The following PCDH15 variants were observed in gnomAD, a reference collection of about 807,000 sequenced individuals.
PCDH15 encodes the protein protocadherin related 15, also known as protocadherin-15.
A neutral mutation model predicts 178.5 loss-of-function variants in PCDH15; 129 were observed. The ratio of observed to expected loss-of-function variants is 0.72; its 90% CI spans 0.63 to 0.84. The LOEUF (loss-of-function observed/expected upper bound fraction) is 0.84, where lower values mean the gene tolerates loss of function less well. Ranked by LOEUF, PCDH15 falls within the 40% of genes least tolerant of loss-of-function variation. PCDH15 has a pLI of 0.00. For synonymous variants in PCDH15, 800 were observed against 732.0 expected (o/e 1.09, Z -1.50); for missense variants, 2,230 against 2,099.9 (o/e 1.06, Z -1.21).
intron 2 of PCDH15, among the ~76,000 whole-genome samples, chr10:55,083,195 T>A (rs928688461): frequency 4.0e-5 from 6 of 151,862 alleles, no homozygotes; most frequent in Non-Finnish European, 8.8e-5. Context: ...ATTAAAAAGA[T>A]AATTTATCAT....
chr10:55,464,663 T>A (rs1228254039), intron 2 of PCDH15, among the ~76,000 whole-genome samples: 1 of 147,850 alleles, frequency 6.8e-6, no homozygotes, highest in Non-Finnish European at 1.5e-5. Flanking sequence ...TATGTGTGTG[T>A]GTGTGTATAT....
chr10:55,377,246 G>T (rs917138240), intron 2 of PCDH15, among the ~76,000 whole-genome samples: 2 of 151,394 alleles, frequency 1.3e-5, no homozygotes, highest in Non-Finnish European at 2.9e-5. Flanking sequence ...ACAACAAAAA[G>T]AGGGAAACAT....
Position 53,928,987 on chromosome 10 carries a change from C to T in PCDH15, c.3373+9828G>A, listed in dbSNP as rs192582740. Among the ~76,000 whole-genome samples, 12 of 152,046 alleles carry T rather than the reference C, an allele frequency of 7.9e-5. No homozygotes were observed. In the Middle Eastern group the frequency reaches 0.01, roughly 129 times the overall value. On this transcript the variant is annotated intron_variant, in intron 25 of 37. Coordinates refer to ENST00000644397, the MANE Select transcript of PCDH15 (RefSeq NM_001384140.1). ...AAGAAGGAGAACTATTTTATGCATTCCTAGATTCTTAAATATTTTAATTTT... is the reference window on the plus strand; with the variant it reads ...AAGAAGGAGAACTATTTTATGCATTTCTAGATTCTTAAATATTTTAATTTT...
intron 2 of PCDH15, among the ~76,000 whole-genome samples, chr10:55,398,116 C>A (rs1201054669): frequency 1.3e-5 from 2 of 151,612 alleles, no homozygotes; most frequent in African/African-American, 2.4e-5. Context: ...TATGCCCTAA[C>A]ACAAGTTATC....
intron 2 of PCDH15, among the ~76,000 whole-genome samples, chr10:55,406,980 G>A (rs1302776993): frequency 3.3e-5 from 5 of 152,274 alleles, no homozygotes; most frequent in South Asian, 2.1e-4. Flanking sequence ...GATGCCAAAT[G>A]TTTATTATAG....
chr10:55,347,955 T>C (rs1844807151), intron 2 of PCDH15, among the ~76,000 whole-genome samples: 1 of 152,048 alleles, frequency 6.6e-6, no homozygotes, highest in African/African-American at 2.4e-5. Context: ...ATCATACAAT[T>C]GAATTGTAAG....
At chr10:55,165,434 A>T (rs1043937237) in intron 2 of PCDH15, among the ~76,000 whole-genome samples, 4 of 151,920 alleles carry the variant, frequency 2.6e-5, no homozygotes, top group African/African-American at 9.7e-5. Flanking sequence ...TATTATTTAA[A>T]ATATAATTTA....
intron 8 of PCDH15, among the ~76,000 whole-genome samples, chr10:54,264,554 A>G (rs956668788): frequency 5.3e-5 from 8 of 152,176 alleles, no homozygotes; most frequent in Admixed American, 2.0e-4. Context: ...ACATAGCTAT[A>G]TTAAGAAAGA....
chr10:54,204,603 C>G (rs1352836196), intron 10 of PCDH15, among the ~76,000 whole-genome samples: 1 of 77,500 alleles, frequency 1.3e-5, no homozygotes, highest in African/African-American at 5.5e-5. Flanking sequence ...AAAAATGTTA[C>G]TAAAAAAATA....
At chr10:55,299,848 C>T (rs188593443) in intron 1 of PCDH15, among the ~76,000 whole-genome samples, 1 of 152,240 alleles carries the variant, frequency 6.6e-6, no homozygotes, top group African/African-American at 2.4e-5. Flanking sequence ...GCCATTAAAA[C>T]TCACTAATTA....
At chr10:54,534,540 C>A (rs1178009428) in intron 2 of PCDH15, among the ~76,000 whole-genome samples, 2 of 152,132 alleles carry the variant, frequency 1.3e-5, no homozygotes, top group Non-Finnish European at 2.9e-5. Flanking sequence ...GGAAGAGTTG[C>A]AGATTTTGTG....
intron 2 of PCDH15, among the ~76,000 whole-genome samples, chr10:55,437,783 C>G (rs1839077074): frequency 6.7e-6 from 1 of 149,840 alleles, no homozygotes; most frequent in East Asian, 1.9e-4. Context: ...TAAAAAGTAC[C>G]ATAAAGAACA....
Position 54,028,304 on chromosome 10 carries a change from A to T in PCDH15, c.2221-5107T>A, listed in dbSNP as rs1176878282. On this transcript the variant is annotated intron_variant, in intron 18 of 37. Transcript: ENST00000644397. ...CAGGAAACTACAGGTGCTGGAGAGGATGTGGAGAAATAGGAACACTTTTAC... is the reference window on the plus strand; with the variant it reads ...CAGGAAACTACAGGTGCTGGAGAGGTTGTGGAGAAATAGGAACACTTTTAC... 3.9e-4 allele frequency among the ~76,000 whole-genome samples: 59 copies of T among 149,824 alleles called. 2 individuals are homozygous for T. The South Asian group carries it at 0.013, about 32-fold the overall frequency.
chr10:54,761,036 C>A (rs927107012), intron 1 of PCDH15, among the ~76,000 whole-genome samples: 3 of 151,984 alleles, frequency 2.0e-5, no homozygotes, highest in Non-Finnish European at 4.4e-5. Flanking sequence ...CAAAGAAAGA[C>A]CAACTAGATT....
At chr10:54,308,326 A>T (rs1053894720) in intron 8 of PCDH15, among the ~76,000 whole-genome samples, 3 of 152,148 alleles carry the variant, frequency 2.0e-5, no homozygotes, top group East Asian at 3.9e-4. Context: ...AATACTTTGA[A>T]CAAACTCCTT....
chr10:55,446,228 A>G (rs1195411451), intron 2 of PCDH15, among the ~76,000 whole-genome samples: 1 of 151,882 alleles, frequency 6.6e-6, no homozygotes, highest in Admixed American at 6.6e-5. Flanking sequence ...CACCAGTAGG[A>G]ACAAACAAAA....
intron 2 of PCDH15, among the ~76,000 whole-genome samples, chr10:55,470,496 T>A (rs1262639969): frequency 1.3e-5 from 2 of 152,218 alleles, no homozygotes; most frequent in Non-Finnish European, 2.9e-5. Flanking sequence ...GTTTGATTAG[T>A]ATACTTTGAT....
chr10:53,828,711 T>C, intron 30 of PCDH15, 138 bp from the exon 31 acceptor site: 1 of 715,030 alleles, frequency 1.4e-6, no homozygotes, highest in South Asian at 1.8e-5. Context: ...AATGACAGAC[T>C]AAGAAAACTA....
chr10:54,891,144 C>A (rs1322325440), intron 3 of PCDH15, among the ~76,000 whole-genome samples: 1 of 152,016 alleles, frequency 6.6e-6, no homozygotes, highest in Non-Finnish European at 1.5e-5. Flanking sequence ...ATTCAAAAGG[C>A]AACTGAAAAT....
Sources: allele counts gnomAD v4.1 joint callset (sites outside exome capture counted in the v4.1 genomes callset), GRCh38; gene constraint gnomAD v4.1.1; transcripts MANE v1.5; gene names NCBI Gene and HGNC (gene_info 2026-07-23, HGNC 2026-07-21).